TENM3: variants seen among roughly 807,000 people sequenced by gnomAD.
TENM3 encodes teneurin-3.
Under a neutral mutation model 255.1 loss-of-function variants are expected in TENM3, and 63 were observed. The ratio of observed to expected loss-of-function variants is 0.25; its 90% confidence interval spans 0.20 to 0.30. TENM3 has a LOEUF of 0.30. Ranked by LOEUF, TENM3 falls within the 10% of genes least tolerant of loss-of-function variation. The pLI, the probability that TENM3 is intolerant of heterozygous loss-of-function variation, is 1.00. For synonymous variants in TENM3, 1,306 were observed against 1,322.3 expected, an observed-to-expected ratio of 0.99 and a Z score of 0.27; for missense variants, 2,929 against 3,461.1, an observed-to-expected ratio of 0.85 and a Z score of 3.86.
At chr4:181,796,251 A>G in the TENM3 span, among the ~76,000 whole-genome samples, 2 of 152,206 alleles carry the variant, frequency 1.3e-5, no homozygotes, top group Non-Finnish European at 2.9e-5. Context: ...TGTATTAGAC[A>G]GCCACTAGGT....
At chr4:182,415,044 T>C (rs1993475) in intron 3 of TENM3, among the ~76,000 whole-genome samples, 44,248 of 152,212 alleles carry the variant, frequency 0.29, 6,884 homozygotes, top group Middle Eastern at 0.38. Context: ...CCTTGAACAC[T>C]AATAGGTGAC....
chr4:182,337,284 A>G (rs1250818498), intron 2 of TENM3, among the ~76,000 whole-genome samples: 4 of 152,232 alleles, frequency 2.6e-5, no homozygotes, highest in Admixed American at 2.0e-4. Flanking sequence ...ATCTGGGAGA[A>G]AATTATCTAT....
intron 3 of TENM3, among the ~76,000 whole-genome samples, chr4:182,461,166 T>TG: frequency 6.6e-6 from 1 of 152,316 alleles, no homozygotes; most frequent in East Asian, 1.9e-4. Flanking sequence ...GCCTTAAACT[T>TG]TTCTCTTTAA....
the TENM3 span, among the ~76,000 whole-genome samples, chr4:182,070,685 G>A: frequency 1.3e-5 from 2 of 152,130 alleles, no homozygotes; most frequent in Non-Finnish European, 2.9e-5. Flanking sequence ...TGACAGATGA[G>A]TCAGTCATAC....
chr4:182,238,881 T>C (rs1372830530), upstream of TENM3, among the ~76,000 whole-genome samples: 1 of 152,150 alleles, frequency 6.6e-6, no homozygotes, highest in East Asian at 1.9e-4. Flanking sequence ...CATACTAACA[T>C]CTGAGTCTGT....
the TENM3 span, among the ~76,000 whole-genome samples, chr4:181,542,660 T>C: frequency 2.0e-5 from 3 of 152,196 alleles, no homozygotes; most frequent in Non-Finnish European, 2.9e-5. Context: ...TCATTTCATA[T>C]GAAAAAATTT....
chr4:182,566,375 A>G (rs978053143), intron 3 of TENM3, among the ~76,000 whole-genome samples: 2 of 152,170 alleles, frequency 1.3e-5, no homozygotes, highest in African/African-American at 4.8e-5. Flanking sequence ...CCTTATTACC[A>G]TTGGCTTCAT....
chr4:181,553,601 C>T, the TENM3 span, among the ~76,000 whole-genome samples: 2 of 151,816 alleles, frequency 1.3e-5, no homozygotes, highest in Non-Finnish European at 2.9e-5. Context: ...GCCACCACGC[C>T]CGGCTAATTT....
intron 3 of TENM3, among the ~76,000 whole-genome samples, chr4:182,379,035 T>C (rs1480959285): frequency 2.6e-5 from 4 of 152,156 alleles, no homozygotes; most frequent in African/African-American, 9.7e-5. Context: ...GCATCGGATT[T>C]GGACTTTCAT....
intron 1 of TENM3, among the ~76,000 whole-genome samples, chr4:182,231,045 GGA>G (rs574447201): frequency 1.3e-3 from 200 of 151,674 alleles, no homozygotes; most frequent in Middle Eastern, 6.8e-3. Flanking sequence ...TATGCTGGAA[GGA>G]GGGGAAGGTT....
the TENM3 span, among the ~76,000 whole-genome samples, chr4:182,065,899 TA>T: frequency 4.6e-5 from 7 of 152,250 alleles, no homozygotes; most frequent in African/African-American, 1.7e-4. Context: ...TCAGCGCTGC[TA>T]GCTAGGACTG....
At chr4:182,570,245 G>A (rs1200341199) in intron 3 of TENM3, among the ~76,000 whole-genome samples, 1 of 152,132 alleles carries the variant, frequency 6.6e-6, no homozygotes, top group Non-Finnish European at 1.5e-5. Context: ...AAGGGTGATG[G>A]AGCAGGACAA....
At chr4:182,759,519 G>A (rs561521077) in intron 22 of TENM3, among the ~76,000 whole-genome samples, 1 of 152,286 alleles carries the variant, frequency 6.6e-6, no homozygotes, top group South Asian at 2.1e-4. Flanking sequence ...ACCCAATATT[G>A]CATGTTTGCT....
At chr4:182,520,644 G>A (rs766724960) in intron 3 of TENM3, among the ~76,000 whole-genome samples, 6 of 152,178 alleles carry the variant, frequency 3.9e-5, no homozygotes, top group Non-Finnish European at 7.4e-5. Context: ...TGGTACAACA[G>A]ATGTTGGCAT....
chr4:182,179,884 A>G lies in TENM3; in HGVS notation c.-76+35130A>G, dbSNP rs182799650. On this transcript the variant is annotated intron_variant, in intron 1 of 2. Coordinates refer to the TENM3 transcript ENST00000512480. ...TTTAGAATATGTATGTGGCTTAGTCAGAAAACCCTCACCTTTGTCATTTTT... is the reference window on the plus strand; with the variant it reads ...TTTAGAATATGTATGTGGCTTAGTCGGAAAACCCTCACCTTTGTCATTTTT... Among the ~76,000 whole-genome samples, 40 of 152,308 alleles carry G rather than the reference A, an allele frequency of 2.6e-4. No individual in the cohort carries two copies. In the East Asian group the frequency reaches 6.6e-3, roughly 25 times the overall value.
chr4:181,740,370 TA>T, the TENM3 span, among the ~76,000 whole-genome samples: 5 of 152,174 alleles, frequency 3.3e-5, no homozygotes, highest in African/African-American at 1.2e-4. Context: ...TTCAGAATAT[TA>T]ACTTTATTTA....
At chr4:181,914,010 G>C in the TENM3 span, among the ~76,000 whole-genome samples, 1 of 152,198 alleles carries the variant, frequency 6.6e-6, no homozygotes, top group African/African-American at 2.4e-5. Flanking sequence ...TCTTAGCCTT[G>C]TCTATTGCGA....
At chr4:182,707,731 A>G (rs1226984315) in intron 12 of TENM3, 1 of 152,230 alleles carries the variant, frequency 6.6e-6, no homozygotes, top group East Asian at 1.9e-4. Context: ...CCCGCAGGTC[A>G]TAGGCTTGAA....
chr4:181,563,200 G>A, the TENM3 span, among the ~76,000 whole-genome samples: 1 of 152,178 alleles, frequency 6.6e-6, no homozygotes, highest in Non-Finnish European at 1.5e-5. Flanking sequence ...CGTCAGCAGG[G>A]CTGGTTCCTT....
Sources: allele counts gnomAD v4.1 joint callset (sites outside exome capture counted in the v4.1 genomes callset), GRCh38; gene constraint gnomAD v4.1.1; transcripts MANE v1.5; gene names NCBI Gene and HGNC (gene_info 2026-07-23, HGNC 2026-07-21).